The following OSBP variants were observed in gnomAD, a reference collection of about 807,000 sequenced individuals.
The protein encoded by OSBP is oxysterol-binding protein 1.
In OSBP, 32 loss-of-function variants were observed where a neutral mutation model predicts 96.6. The observed-to-expected ratio is 0.33, with a 90% confidence interval of 0.25 to 0.45. OSBP has a LOEUF of 0.45. Ranked by LOEUF, OSBP falls within the 20% of genes least tolerant of loss-of-function variation. OSBP has a pLI of 1.00. For missense variants in OSBP, 653 were observed against 1,029.7 expected, an observed-to-expected ratio of 0.63 and a Z score of 5.01; for synonymous variants, 369 against 389.6, an observed-to-expected ratio of 0.95 and a Z score of 0.62.
At position 59,615,581 on chromosome 11, in the gene OSBP, T is replaced by G; in HGVS notation, c.84A>C (p.Pro28=). The G allele has an allele frequency of 1.5e-6, 2 of 1,373,794 alleles. No individual in the cohort carries two copies. The highest frequency in any genetic ancestry group is 1.9e-6 in the Non-Finnish European group (2 of 1,059,382). 85.1% of individuals were successfully genotyped at this position (1,373,794 alleles called of 1,614,324 possible). ...CGCGGCCGCCGCCTCCTCCCACCAC[T>G]GGGGGACCGGCGCCGCCGCCGCCAA... ...AALGGGGAGP[P]VVGGGGGRGD... The change falls in exon 1 of 14, where the codon CCA becomes CCC. Residue 28 remains proline, a synonymous_variant. Coordinates refer to ENST00000263847, the MANE Select transcript of OSBP (RefSeq NM_002556.3).
chr11:59,609,838 G>C (rs546570569), intron 2 of OSBP, among the ~76,000 whole-genome samples: 12 of 152,212 alleles, frequency 7.9e-5, no homozygotes, highest in Admixed American at 7.8e-4. Flanking sequence ...TACAGTTTTT[G>C]GCAGTCTACT....
At position 59,608,471 on chromosome 11, in the gene OSBP, C is replaced by G. The variant is rs1860809337; in HGVS notation, c.822+13G>C. On this transcript the variant is annotated intron_variant, in intron 3 of 13. Transcript: ENST00000263847. ...ATGAATCAAAAAGCAACACAGACACCATCTGCACTCACGTTGATCATGGCA... is the reference window on the plus strand; with the variant it reads ...ATGAATCAAAAAGCAACACAGACACGATCTGCACTCACGTTGATCATGGCA... 3 of 1,614,064 alleles carry G rather than the reference C, an allele frequency of 1.9e-6. No individual in the cohort carries two copies. Among genetic ancestry groups the G allele is most frequent in the Non-Finnish European group, 2.5e-6 (3 of 1,179,956 alleles).
chr11:59,575,088 AC>A lies in OSBP; in HGVS notation c.*1488del, dbSNP rs202048249. 5,703 of 152,350 alleles carry A rather than the reference AC, an allele frequency of 0.037. 146 individuals are homozygous for A. The highest frequency in any genetic ancestry group is 0.043 in the Non-Finnish European group (2,919 of 68,100). 9.4% of individuals were successfully genotyped at this position (152,350 alleles called of 1,614,324 possible). ...CCCCACAGGAGCAATTATCTGATCC[AC>A]CCCACATGACGGTGCTTTAAGCCCC... is the stretch of plus-strand genomic sequence containing the variant. On this transcript the variant is annotated 3_prime_UTR_variant, in exon 14 of 14. Transcript: ENST00000263847.
Position 59,576,841 on chromosome 11 carries a change from T to C in OSBP, c.2245A>G (p.Lys749Glu). 1 of 1,614,198 alleles carries C rather than the reference T, an allele frequency of 6.2e-7. No individual in the cohort carries two copies. The highest frequency in any genetic ancestry group is 8.5e-7 in the Non-Finnish European group (1 of 1,180,032). Reference sequence around the variant, plus strand: ...GCTTTCATAGCTTCCGCTTCTCTCTTCTTTCTGGAAAGTCTTTGTTTTTCC... The same window carrying C: ...GCTTTCATAGCTTCCGCTTCTCTCTCCTTTCTGGAAAGTCTTTGTTTTTCC... ...LEEKQRLSRK[K>E]REAEAMKATE... The change falls in exon 13 of 14, where the codon AAG becomes GAG. Residue 749 changes from lysine (K) to glutamate (E), a missense_variant. By Grantham distance (56) the Lys-to-Glu change is moderately conservative. Around this residue, in one of 6 missense-constraint regions of OSBP, gnomAD observed 169 missense variants for 251.5 expected, o/e 0.67. Coordinates refer to ENST00000263847, the MANE Select transcript of OSBP (RefSeq NM_002556.3).
intron 9 of OSBP, among the ~76,000 whole-genome samples, chr11:59,586,990 A>C (rs1292513165): frequency 6.6e-6 from 1 of 152,228 alleles, no homozygotes; most frequent in Non-Finnish European, 1.5e-5. Context: ...ATGACACCAA[A>C]AGCAGATGCA....
intron 9 of OSBP, 40 bp from the exon 10 acceptor site, chr11:59,581,594 A>T (rs758402253): frequency 1.6e-5 from 18 of 1,122,218 alleles, no homozygotes; most frequent in Non-Finnish European, 2.7e-6. Flanking sequence ...GCCAAATGTC[A>T]GAAAAATAGC....
In OSBP at chr11:59,576,527, T is replaced by A; in HGVS notation, c.*50A>T. 2 of 1,571,860 alleles carry A rather than the reference T, an allele frequency of 1.3e-6. No individual in the cohort carries two copies. Among genetic ancestry groups the A allele is most frequent in the Non-Finnish European group, 1.7e-6 (2 of 1,158,988 alleles). On this transcript the variant is annotated 3_prime_UTR_variant, in exon 14 of 14. Coordinates refer to ENST00000263847, the MANE Select transcript of OSBP (RefSeq NM_002556.3). ...TCACAACTTCCAGCTTTCCCACACA[T>A]CCTCTGTCCTCTTCTCCATTATATG...
In OSBP at chr11:59,608,750, G is replaced by C. The variant is rs781612733; in HGVS notation, c.572-16C>G. ...CCTGATTCATCTGTAGGAATGAAAA[G>C]AAAGGTTATATGATTCCAGAACCAG... On this transcript the variant is annotated splice_polypyrimidine_tract_variant and intron_variant, in intron 2 of 13. Transcript: ENST00000263847. 1 of 1,613,552 alleles carries C rather than the reference G, an allele frequency of 6.2e-7. No homozygotes were observed. Among genetic ancestry groups the C allele is most frequent in the Non-Finnish European group, 8.5e-7 (1 of 1,179,604 alleles).
chr11:59,588,976 G>T (rs1429157513), intron 9 of OSBP, among the ~76,000 whole-genome samples: 2 of 152,040 alleles, frequency 1.3e-5, no homozygotes, highest in Non-Finnish European at 2.9e-5. Context: ...CTGCACTCCA[G>T]CCTGGGTGAC....
chr11:59,594,325 A>G, intron 7 of OSBP, 70 bp from the exon 8 acceptor site: 1 of 1,500,940 alleles, frequency 6.7e-7, no homozygotes, highest in Non-Finnish European at 9.1e-7. Flanking sequence ...TTTTTTTTGC[A>G]GTTTAGGAAA....
intron 8 of OSBP, 50 bp downstream of exon 8, chr11:59,593,957 AATC>A: frequency 6.3e-7 from 1 of 1,596,990 alleles, no homozygotes; most frequent in Non-Finnish European, 8.5e-7. Context: ...TTAACCAAAA[AATC>A]ATCTCTTTCT....
chr11:59,615,608 T>C lies in OSBP; in HGVS notation c.57A>G (p.Ala19=). The change falls in exon 1 of 14, where the codon GCA becomes GCG. Residue 19 remains alanine, a synonymous_variant. Coordinates refer to ENST00000263847, the MANE Select transcript of OSBP (RefSeq NM_002556.3). ...VVGPGPAAIA[A]LGGGGAGPPV... ...GGGGACCGGCGCCGCCGCCGCCAAG[T>C]GCTGCAATGGCTGCCGGGCCTGGCC... The C allele has an allele frequency of 1.5e-6, 2 of 1,379,168 alleles. No individual in the cohort carries two copies. The highest frequency in any genetic ancestry group is 9.4e-7 in the Non-Finnish European group (1 of 1,064,578). The allele number at this position is 1,379,168 out of a possible 1,614,324, so 85.4% of individuals were successfully genotyped here.
intron 7 of OSBP, chr11:59,595,033 GACCCTATGCT>G (rs949147678): frequency 6.5e-6 from 1 of 154,610 alleles, no homozygotes; most frequent in Non-Finnish European, 1.5e-5. Flanking sequence ...ATGTGTGCCA[GACCCTATGCT>G]ACCCACTGGA....
At chr11:59,585,573 G>GC (rs1468655493) in intron 9 of OSBP, among the ~76,000 whole-genome samples, 1 of 148,072 alleles carries the variant, frequency 6.8e-6, no homozygotes, top group Non-Finnish European at 1.5e-5. Context: ...CCGGCCAGCC[G>GC]CCCCGTCCGG....
At chr11:59,593,261 G>A (rs764618153) in intron 9 of OSBP, among the ~76,000 whole-genome samples, 1 of 152,150 alleles carries the variant, frequency 6.6e-6, no homozygotes, top group Non-Finnish European at 1.5e-5. Context: ...GATTTACAGA[G>A]AGAACCTGAC....
At chr11:59,608,244 G>T (rs1313986099) in intron 3 of OSBP, among the ~76,000 whole-genome samples, 1 of 152,142 alleles carries the variant, frequency 6.6e-6, no homozygotes, top group Non-Finnish European at 1.5e-5. Flanking sequence ...AGGAACCCTG[G>T]ACTCCTGATT....
At chr11:59,599,042 C>G (rs1413801552) in intron 7 of OSBP, among the ~76,000 whole-genome samples, 2 of 152,230 alleles carry the variant, frequency 1.3e-5, no homozygotes, top group African/African-American at 4.8e-5. Context: ...AAGCCTGGCT[C>G]TGACACCATA....
chr11:59,614,098 C>G (rs977246808), intron 1 of OSBP, among the ~76,000 whole-genome samples: 1 of 152,210 alleles, frequency 6.6e-6, no homozygotes, highest in Non-Finnish European at 1.5e-5. Flanking sequence ...GACTTTTATA[C>G]TTTTTGCATA....
Position 59,576,478 on chromosome 11 carries a change from T to C in OSBP, c.*99A>G, listed in dbSNP as rs1469554007. On this transcript the variant is annotated 3_prime_UTR_variant, in exon 14 of 14. Coordinates refer to ENST00000263847, the MANE Select transcript of OSBP (RefSeq NM_002556.3). ...AATGATTGGTCAAGAGAGACAAACT[T>C]GAGGAAAGCACTTGGTAAGAGAGTC... 5.2e-6 allele frequency: 7 copies of C among 1,336,086 alleles called. No homozygotes were observed. Among genetic ancestry groups the C allele is most frequent in the Non-Finnish European group, 7.2e-6 (7 of 972,770 alleles). 82.8% of individuals were successfully genotyped at this position (1,336,086 alleles called of 1,614,324 possible).
Sources: gnomAD v4.1 joint callset for allele counts (sites outside exome capture counted in the v4.1 genomes callset) on GRCh38, gnomAD v4.1.1 for gene constraint, gnomAD v4.1.1 regional missense constraint, MANE v1.5 for transcripts, NCBI Gene and HGNC (gene_info 2026-07-23, HGNC 2026-07-21) for gene names.